Variants in RAB38 observed in about 807,000 individuals in gnomAD.
RAB38 encodes ras-related protein Rab-38.
Under a neutral mutation model 18.4 loss-of-function variants are expected in RAB38, and 15 were observed. The observed-to-expected ratio is 0.82, with a 90% CI of 0.55 to 1.26. The LOEUF (loss-of-function observed/expected upper bound fraction) is 1.26. Among genes scored for constraint, RAB38 ranks in the 50% most tolerant of loss-of-function variants. The pLI is 0.00. For synonymous variants in RAB38, 101 were observed against 104.4 expected (o/e 0.97, Z 0.20); for missense variants, 294 against 267.4 (o/e 1.10, Z -0.69).
chr11:88,039,847 G>T, the RAB38 span, among the ~76,000 whole-genome samples: 1 of 152,174 alleles, frequency 6.6e-6, no homozygotes, highest in South Asian at 2.1e-4. Flanking sequence ...TAAATGAAGG[G>T]AATGCTCGTG....
the RAB38 span, among the ~76,000 whole-genome samples, chr11:88,032,272 C>T: frequency 2.0e-5 from 3 of 151,994 alleles, no homozygotes; most frequent in Non-Finnish European, 2.9e-5. Flanking sequence ...AAAACCATAA[C>T]AACCCTAGAA....
At chr11:88,064,104 T>A in the RAB38 span, among the ~76,000 whole-genome samples, 3 of 152,306 alleles carry the variant, frequency 2.0e-5, no homozygotes, top group East Asian at 3.9e-4. Flanking sequence ...GAAACTGTCA[T>A]CAATGGAGAT....
chr11:87,900,998 T>G, the RAB38 span, among the ~76,000 whole-genome samples: 3 of 151,614 alleles, frequency 2.0e-5, no homozygotes, highest in Non-Finnish European at 4.4e-5. Context: ...GAACTCTCAT[T>G]CCATTTTTAA....
chr11:88,166,959 T>C (rs1196187161), intron 1 of RAB38: 2 of 152,132 alleles, frequency 1.3e-5, no homozygotes, highest in African/African-American at 4.8e-5. Flanking sequence ...AAAACTTTAT[T>C]GAACAAATAC....
chr11:88,097,799 T>C, the RAB38 span: 1 of 151,976 alleles, frequency 6.6e-6, no homozygotes, highest in Non-Finnish European at 1.5e-5. Context: ...GGACAATATG[T>C]TCTGATTGTG....
At chr11:87,938,639 G>GCTT in the RAB38 span, among the ~76,000 whole-genome samples, 1 of 55,038 alleles carries the variant, frequency 1.8e-5, no homozygotes, top group Admixed American at 1.8e-4. Context: ...TTTTGATTTT[G>GCTT]TTGTTGTTGT....
chr11:87,947,269 T>C, the RAB38 span, among the ~76,000 whole-genome samples: 1 of 152,082 alleles, frequency 6.6e-6, no homozygotes, highest in Non-Finnish European at 1.5e-5. Flanking sequence ...TTTGAGTTCA[T>C]TGTAGATTCT....
At chr11:87,969,214 A>G in the RAB38 span, among the ~76,000 whole-genome samples, 5 of 152,042 alleles carry the variant, frequency 3.3e-5, 1 homozygote, top group South Asian at 2.1e-4. Flanking sequence ...ACTCGATATT[A>G]CTCAATTCCA....
chr11:88,079,629 A>G, the RAB38 span, among the ~76,000 whole-genome samples: 2 of 151,866 alleles, frequency 1.3e-5, no homozygotes, highest in Admixed American at 6.6e-5. Flanking sequence ...GCTCATGGAA[A>G]TAGATGCAAT....
chr11:88,102,554 A>G, the RAB38 span, among the ~76,000 whole-genome samples: 1 of 152,126 alleles, frequency 6.6e-6, no homozygotes, highest in African/African-American at 2.4e-5. Context: ...ACTGAAGTGT[A>G]CTATTTAGCT....
At chr11:87,929,285 T>C in the RAB38 span, among the ~76,000 whole-genome samples, 1 of 152,106 alleles carries the variant, frequency 6.6e-6, no homozygotes, top group Admixed American at 6.6e-5. Context: ...GCTATACTTA[T>C]TGTAACCCCC....
the RAB38 span, among the ~76,000 whole-genome samples, chr11:88,057,983 G>A: frequency 2.6e-4 from 39 of 152,108 alleles, no homozygotes; most frequent in Admixed American, 1.3e-4. Context: ...GTACTTACCC[G>A]CAGCGCAAGT....
At chr11:88,089,231 G>T in the RAB38 span, among the ~76,000 whole-genome samples, 2 of 151,534 alleles carry the variant, frequency 1.3e-5, no homozygotes, top group African/African-American at 4.8e-5. Flanking sequence ...CTCTCTTGTT[G>T]GGCAACCCTG....
chr11:87,971,234 G>C, the RAB38 span, among the ~76,000 whole-genome samples: 1 of 152,066 alleles, frequency 6.6e-6, no homozygotes, highest in Admixed American at 6.6e-5. Context: ...GATTTAATTG[G>C]CTATGAGACG....
chr11:87,855,039 C>T, the RAB38 span, among the ~76,000 whole-genome samples: 1 of 152,094 alleles, frequency 6.6e-6, no homozygotes. Context: ...TCGTGATCCA[C>T]GTGCCTCGGC....
chr11:88,046,350 C>T, the RAB38 span, among the ~76,000 whole-genome samples: 81 of 152,280 alleles, frequency 5.3e-4, no homozygotes, highest in African/African-American at 1.9e-3. Flanking sequence ...AATTGTTTTC[C>T]CTATCCACCC....
chr11:87,887,831 A>G, the RAB38 span, among the ~76,000 whole-genome samples: 6 of 152,070 alleles, frequency 3.9e-5, no homozygotes, highest in African/African-American at 9.6e-5. Context: ...ATAAAAATAA[A>G]ATGTAAACAG....
the RAB38 span, among the ~76,000 whole-genome samples, chr11:87,977,331 T>C: frequency 8.0e-6 from 1 of 125,044 alleles, no homozygotes; most frequent in Non-Finnish European, 1.6e-5. Flanking sequence ...ATTATACAAG[T>C]ATATTATAAA....
chr11:88,066,394 C>T, the RAB38 span, among the ~76,000 whole-genome samples: 1 of 151,968 alleles, frequency 6.6e-6, no homozygotes, highest in Non-Finnish European at 1.5e-5. Context: ...ACGTTTTCTG[C>T]GTAGAGTTTT....
Sources: gnomAD v4.1 joint callset for allele counts (sites outside exome capture counted in the v4.1 genomes callset) on GRCh38, gnomAD v4.1.1 for gene constraint, MANE v1.5 for transcripts, NCBI Gene and HGNC (gene_info 2026-07-23, HGNC 2026-07-21) for gene names.